The following RYR2 variants were observed in gnomAD, a reference collection of about 807,000 sequenced individuals.
The protein encoded by RYR2 is cardiac muscle ryanodine receptor-calcium release channel.
In RYR2, 227 loss-of-function variants were observed where a neutral mutation model predicts 601.1. That is an observed-to-expected ratio of 0.38 (90% CI 0.34 to 0.42). The LOEUF (loss-of-function observed/expected upper bound fraction) is 0.42, where lower values mean the gene tolerates loss of function less well. Among genes scored for constraint, RYR2 ranks in the 10% least tolerant of loss-of-function variants. RYR2 has a pLI of 1.00. For missense variants in RYR2, 4,646 were observed against 6,156.5 expected, an observed-to-expected ratio of 0.75 and a Z score of 8.21; for synonymous variants, 2,223 against 2,175.1, an observed-to-expected ratio of 1.02 and a Z score of -0.61.
chr1:237,362,848 C>A (rs16835164), intron 4 of RYR2, among the ~76,000 whole-genome samples: 2 of 152,076 alleles, frequency 1.3e-5, no homozygotes, highest in East Asian at 3.9e-4. Context: ...TCAGCATTTG[C>A]TATTTTTCAG....
intron 79 of RYR2, among the ~76,000 whole-genome samples, chr1:237,740,298 G>A (rs1017032975): frequency 6.6e-6 from 1 of 152,242 alleles, no homozygotes; most frequent in African/African-American, 2.4e-5. Context: ...GTTTAAAGTA[G>A]TTTTTATAGG....
chr1:237,789,462 ACTAACT>A (rs1305916935), intron 92 of RYR2, among the ~76,000 whole-genome samples: 1 of 24,996 alleles, frequency 4.0e-5, no homozygotes, highest in Non-Finnish European at 1.3e-4. Flanking sequence ...TTCCTAGATA[ACTAACT>A]CTGAATAATT....
intron 76 of RYR2, among the ~76,000 whole-genome samples, chr1:237,729,702 T>C (rs1690510770): frequency 6.6e-6 from 1 of 152,172 alleles, no homozygotes; most frequent in Non-Finnish European, 1.5e-5. Flanking sequence ...TGGTCTTTTT[T>C]CACAGGCGGC....
chr1:237,827,149 T>G (rs1041720629), intron 101 of RYR2, among the ~76,000 whole-genome samples: 4 of 152,222 alleles, frequency 2.6e-5, no homozygotes, highest in Non-Finnish European at 4.4e-5. Context: ...AAGGGACTCA[T>G]AATTCATTCA....
intron 27 of RYR2, among the ~76,000 whole-genome samples, chr1:237,554,282 T>C (rs903011589): frequency 2.6e-5 from 4 of 151,940 alleles, no homozygotes; most frequent in African/African-American, 9.7e-5. Context: ...ATTCTGTGGA[T>C]ATCATGACTA....
In RYR2 at chr1:237,610,650, A is replaced by G. The variant is rs907189562; in HGVS notation, c.4684-112A>G. 5 of 872,794 alleles carry G rather than the reference A, an allele frequency of 5.7e-6. No homozygotes were observed. The African/African-American group carries it at 8.5e-5, about 15-fold the overall frequency. The allele number at this position is 872,794 out of a possible 1,614,324, so 54.1% of individuals were successfully genotyped here. On this transcript the variant is annotated intron_variant, in intron 35 of 104. Coordinates refer to ENST00000366574, the MANE Select transcript of RYR2 (RefSeq NM_001035.3). This position sits in a 1 kb window ranked among gnomAD's most constrained non-coding sequence, Gnocchi z 4.9. The stretch of plus-strand genomic sequence containing the variant: ...TTCTTGTGTTGACTTTGCTTGACTC[A>G]TAGGGTTATCTTACTTTCCCTGTCT...
At chr1:237,798,969 G>C (rs906035595) in intron 97 of RYR2, among the ~76,000 whole-genome samples, 2 of 152,196 alleles carry the variant, frequency 1.3e-5, no homozygotes, top group African/African-American at 4.8e-5. Flanking sequence ...GTAGGGATGT[G>C]ATGGTTACTT....
At chr1:237,413,403 A>T (rs1420365179) in intron 10 of RYR2, among the ~76,000 whole-genome samples, 4 of 152,200 alleles carry the variant, frequency 2.6e-5, no homozygotes, top group African/African-American at 9.6e-5. Flanking sequence ...TTAGATTTTT[A>T]TAAAAGATCA....
chr1:237,382,641 G>A (rs1022654927), intron 8 of RYR2, among the ~76,000 whole-genome samples: 6 of 150,018 alleles, frequency 4.0e-5, no homozygotes, highest in South Asian at 2.1e-4. Flanking sequence ...GTTTTCTATC[G>A]TTGCGATAGT....
intron 1 of RYR2, among the ~76,000 whole-genome samples, chr1:237,259,360 T>C (rs947439093): frequency 5.9e-5 from 9 of 151,806 alleles, no homozygotes; most frequent in African/African-American, 1.7e-4. Flanking sequence ...ATACAAAAAT[T>C]AGCCAGGCAT....
At chr1:237,385,230 T>C (rs1701873037) in intron 8 of RYR2, among the ~76,000 whole-genome samples, 1 of 152,194 alleles carries the variant, frequency 6.6e-6, no homozygotes, top group East Asian at 1.9e-4. Context: ...TTTATTTTAT[T>C]GGTACAAAAT....
intron 1 of RYR2, among the ~76,000 whole-genome samples, chr1:237,233,687 C>A (rs1685233683): frequency 6.6e-6 from 1 of 152,096 alleles, no homozygotes; most frequent in Non-Finnish European, 1.5e-5. Context: ...TGGAGTCTTG[C>A]TCTGTCACCC....
chr1:237,048,206 G>T (rs1660827790), intron 1 of RYR2, among the ~76,000 whole-genome samples: 1 of 152,184 alleles, frequency 6.6e-6, no homozygotes, highest in Admixed American at 6.5e-5. Context: ...TGAGTCTGAG[G>T]CCGGAATCCA....
intron 2 of RYR2, among the ~76,000 whole-genome samples, chr1:237,300,007 C>T (rs1693194405): frequency 6.6e-6 from 1 of 152,128 alleles, no homozygotes; most frequent in African/African-American, 2.4e-5. Context: ...ATGTGACATT[C>T]CTATCCTTAC....
At position 237,441,405 on chromosome 1, in the gene RYR2, A is replaced by C. The variant is rs763183698; in HGVS notation, c.1092A>C (p.Gln364His). ...IKYGDSVCYIQHVDTGLWLTY... is the reference protein window; with the variant it reads ...IKYGDSVCYIHHVDTGLWLTY... ...ACGGTGACTCAGTATGCTATATACA[A>C]CATGTAGACACAGGCCTATGGCTTA... Residue 364 changes from glutamine (Q) to histidine (H), a missense_variant, in exon 13 of 105, where the codon CAA becomes CAC. By Grantham distance (24) the Gln-to-His change is conservative. This residue lies in a region of RYR2 where 1,807 missense variants were observed against 2,088.1 expected (regional missense o/e 0.87). Coordinates refer to ENST00000366574, the MANE Select transcript of RYR2 (RefSeq NM_001035.3). 4.3e-6 allele frequency: 7 copies of C among 1,613,216 alleles called. No homozygotes were observed. The Admixed American group carries it at 8.3e-5, about 19-fold the overall frequency.
intron 62 of RYR2, among the ~76,000 whole-genome samples, chr1:237,686,499 A>G (rs1448062473): frequency 6.6e-6 from 1 of 152,102 alleles, no homozygotes; most frequent in East Asian, 1.9e-4. Context: ...TCTTGGAAGA[A>G]ACTCATTCTG....
At chr1:237,397,791 G>A (rs1417370195) in intron 10 of RYR2, among the ~76,000 whole-genome samples, 1 of 149,844 alleles carries the variant, frequency 6.7e-6, no homozygotes, top group African/African-American at 2.5e-5. Flanking sequence ...GCGCCATCTC[G>A]GCTCACTGTA....
chr1:237,691,098 G>A (rs533860743), intron 63 of RYR2, among the ~76,000 whole-genome samples: 45 of 152,208 alleles, frequency 3.0e-4, no homozygotes, highest in African/African-American at 9.4e-4. Flanking sequence ...CACCACGCCC[G>A]GCCAAATCTC....
At chr1:237,812,774 TCCTC>T (rs1178431173) in intron 100 of RYR2, among the ~76,000 whole-genome samples, 3 of 152,134 alleles carry the variant, frequency 2.0e-5, no homozygotes, top group Admixed American at 6.6e-5. Flanking sequence ...GCCTGGAGCC[TCCTC>T]CCTGACTGCC....
Sources: allele counts gnomAD v4.1 joint callset (sites outside exome capture counted in the v4.1 genomes callset), GRCh38; gene constraint gnomAD v4.1.1; regional missense constraint gnomAD v4.1.1; non-coding constraint Gnocchi (gnomAD v3.1); transcripts MANE v1.5; gene names NCBI Gene and HGNC (gene_info 2026-07-23, HGNC 2026-07-21).